Variants in RPS6KL1 observed in about 807,000 individuals in gnomAD.
The protein encoded by RPS6KL1 is ribosomal protein S6 kinase like 1, also known as ribosomal protein S6 kinase-like 1.
In RPS6KL1, 41 loss-of-function variants were observed where a neutral mutation model predicts 57.0. The observed-to-expected ratio is 0.72, with a 90% CI of 0.56 to 0.93. The LOEUF is 0.93. Ranked by LOEUF, RPS6KL1 falls within the 40% of genes least tolerant of loss-of-function variation. RPS6KL1 has a pLI of 0.00. For missense variants in RPS6KL1, 697 were observed against 727.7 expected (o/e 0.96, Z 0.49); for synonymous variants, 287 against 309.7 (o/e 0.93, Z 0.77).
At chr14:74,921,158 A>G (rs1887763186) in intron 3 of RPS6KL1, 119 bp downstream of exon 3, 1 of 870,508 alleles carries the variant, frequency 1.1e-6, no homozygotes, top group Non-Finnish European at 1.8e-6. Context: ...CCTGCAGGCC[A>G]GCATAGTGCC....
intron 5 of RPS6KL1, among the ~76,000 whole-genome samples, chr14:74,916,803 C>T (rs1198852820): frequency 1.3e-5 from 2 of 152,218 alleles, no homozygotes; most frequent in Non-Finnish European, 2.9e-5. Context: ...TTCTGTGTCA[C>T]AGTGTACATC....
chr14:74,922,676 G>A (rs933287947), intron 1 of RPS6KL1, among the ~76,000 whole-genome samples, 191 bp from the exon 2 acceptor site: 35 of 152,210 alleles, frequency 2.3e-4, no homozygotes, highest in African/African-American at 8.0e-4. Context: ...GCGGCCAAAG[G>A]GATGACAGCC....
chr14:74,914,410 C>T (rs1204528613), intron 5 of RPS6KL1, among the ~76,000 whole-genome samples: 1 of 152,178 alleles, frequency 6.6e-6, no homozygotes, highest in Non-Finnish European at 1.5e-5. Context: ...AAAAAACTAG[C>T]GAAGGAGGGA....
chr14:74,910,546 A>C (rs1885753519), intron 7 of RPS6KL1: 1 of 163,156 alleles, frequency 6.1e-6, no homozygotes, highest in Non-Finnish European at 1.3e-5. Flanking sequence ...TCACTTTAAA[A>C]AGTCATCAAT....
In RPS6KL1 at chr14:74,907,352, C is replaced by T. The variant is rs571606505; in HGVS notation, c.1539+83G>A. On this transcript the variant is annotated intron_variant, in intron 11 of 11. Coordinates refer to ENST00000557413, the MANE Select transcript of RPS6KL1 (RefSeq NM_031464.5). ...CATCAGACACTGAGCACGAAGCACA[C>T]GTGGTTCAGACACAGTTCTGTGCCC... The T allele has an allele frequency of 4.4e-4, 671 of 1,509,916 alleles. 2 individuals carry two copies. Among genetic ancestry groups the T allele is most frequent in the Non-Finnish European group, 5.7e-4 (642 of 1,127,296 alleles). The allele number at this position is 1,509,916 out of a possible 1,614,324, so 93.5% of individuals were successfully genotyped here. A position where few individuals can be genotyped will look rare whatever the true frequency, so the allele number is the denominator to read the frequency against.
rs754519702 is a variant in RPS6KL1 at position 74,911,285 on chromosome 14, G to A, written c.627C>T (p.Ser209=). 7 of 1,612,632 alleles carry A rather than the reference G, an allele frequency of 4.3e-6. No individual in the cohort carries two copies. The highest frequency in any genetic ancestry group is 1.7e-5 in the Admixed American group (1 of 60,018). ...CCAGGTGCAGGAAGATGGAGTCCTCGCTCACAAAGTACCTGAGCAGCTTCG... is the reference window on the plus strand; with the variant it reads ...CCAGGTGCAGGAAGATGGAGTCCTCACTCACAAAGTACCTGAGCAGCTTCG... ...YMTKLLRYFV[S]EDSIFLHLEH... The change falls in exon 7 of 12, where the codon AGC becomes AGT. Residue 209 remains serine, a synonymous_variant. Coordinates refer to ENST00000557413, the MANE Select transcript of RPS6KL1 (RefSeq NM_031464.5).
In RPS6KL1 at chr14:74,906,409, T is replaced by A. The variant is rs55948327; in HGVS notation, c.*605A>T. 1.3e-5 allele frequency: 2 copies of A among 157,422 alleles called. No homozygotes were observed. Among genetic ancestry groups the A allele is most frequent in the African/African-American group, 6.6e-5 (1 of 15,248 alleles). 9.8% of individuals were successfully genotyped at this position (157,422 alleles called of 1,614,324 possible). Reference sequence around the variant, plus strand: ...AGGGGGCATGGTCAGGAATCGGGGGTGGGGGGGTGGGGGTGGGGGTCATCC... The same window carrying A: ...AGGGGGCATGGTCAGGAATCGGGGGAGGGGGGGTGGGGGTGGGGGTCATCC... On this transcript the variant is annotated 3_prime_UTR_variant, in exon 12 of 12. Coordinates refer to ENST00000557413, the MANE Select transcript of RPS6KL1 (RefSeq NM_031464.5).
Position 74,921,310 on chromosome 14 carries a change from T to C in RPS6KL1, c.232A>G (p.Asn78Asp), listed in dbSNP as rs771982938. Residue 78 changes from asparagine to aspartate, a missense_variant, in exon 3 of 12, where the codon AAT (asparagine) becomes GAT (aspartate). By Grantham distance (23) the Asn-to-Asp change is conservative. Coordinates refer to ENST00000557413, the MANE Select transcript of RPS6KL1 (RefSeq NM_031464.5). ...CCACGGAGCAGCACGTCCACGCCATTCTGATAGTGGTTGAAGGCCGCCTCA... is the reference window on the plus strand; with the variant it reads ...CCACGGAGCAGCACGTCCACGCCATCCTGATAGTGGTTGAAGGCCGCCTCA... ...DYEAAFNHYQ[N>D]GVDVLLRGIH... 6.2e-7 allele frequency: 1 copy of C among 1,612,570 alleles called. No homozygotes were observed. Among genetic ancestry groups the C allele is most frequent in the Non-Finnish European group, 8.5e-7 (1 of 1,179,088 alleles).
At chr14:74,922,715 G>A (rs137876012) in intron 1 of RPS6KL1, among the ~76,000 whole-genome samples, 1 of 152,386 alleles carries the variant, frequency 6.6e-6, no homozygotes, top group African/African-American at 2.4e-5. Flanking sequence ...GGGGCTCAGA[G>A]AGAGGCCCAC....
At chr14:74,922,636 C>T (rs1224581456) in intron 1 of RPS6KL1, among the ~76,000 whole-genome samples, 151 bp from the exon 2 acceptor site, 1 of 152,202 alleles carries the variant, frequency 6.6e-6, no homozygotes, top group African/African-American at 2.4e-5. Context: ...GACCTGACAG[C>T]AGCTTCTTCC....
rs2140266142 is a variant in RPS6KL1 at position 74,909,762 on chromosome 14, C to A, written c.1051G>T (p.Gly351Trp). 1.2e-6 allele frequency: 2 copies of A among 1,607,030 alleles called. No homozygotes were observed. Among genetic ancestry groups the A allele is most frequent in the East Asian group, 4.5e-5 (2 of 44,834 alleles). Residue 351 changes from glycine to tryptophan, a missense_variant, in exon 8 of 12, where the codon GGG becomes TGG. Physicochemically the swap from Gly to Trp is radical, Grantham distance 184 (BLOSUM62 -2). Coordinates refer to ENST00000557413, the MANE Select transcript of RPS6KL1 (RefSeq NM_031464.5). ...CAGCCCCCTAGCACCGGGCCGGCCC[C>A]CTCAGGAACCCAAGTGAGCCCCCGA... ...PPRGLTWVPE[G>W]AGPVLGGCGR...
intron 2 of RPS6KL1, 89 bp from the exon 3 acceptor site, chr14:74,921,650 C>T: frequency 1.3e-6 from 2 of 1,484,208 alleles, no homozygotes; most frequent in South Asian, 2.7e-5. Flanking sequence ...GTCAGGGAGA[C>T]TCATATTCAC....
intron 7 of RPS6KL1, chr14:74,910,398 G>A: frequency 2.6e-6 from 1 of 390,670 alleles, no homozygotes; most frequent in Non-Finnish European, 4.5e-6. Flanking sequence ...GAGATGTCCA[G>A]CACTATCAGT....
chr14:74,908,715 T>C, intron 10 of RPS6KL1, 135 bp downstream of exon 10: 4 of 747,278 alleles, frequency 5.4e-6, no homozygotes, highest in Non-Finnish European at 9.5e-6. Flanking sequence ...GCTAAGTGTG[T>C]CCCTGGCTTC....
rs138430974 is a variant in RPS6KL1 at position 74,922,421 on chromosome 14, G to A, written c.-464C>T. ...GTTCCCTTGGTCCTGAGGTCAGTGT[G>A]GTCAGCGAGTGAGGACCCCTCCTGG... is the stretch of plus-strand genomic sequence containing the variant. On this transcript the variant is annotated 5_prime_UTR_variant, in exon 2 of 12. Coordinates refer to ENST00000557413, the MANE Select transcript of RPS6KL1 (RefSeq NM_031464.5). 109 of 894,330 alleles carry A rather than the reference G, an allele frequency of 1.2e-4. No individual in the cohort carries two copies. In the African/African-American group the frequency reaches 1.7e-3, roughly 14 times the overall value. 55.4% of individuals were successfully genotyped at this position (894,330 alleles called of 1,614,324 possible). A position where few individuals can be genotyped will look rare whatever the true frequency, so the allele number is the denominator to read the frequency against.
chr14:74,914,099 G>A (rs1886464581), intron 5 of RPS6KL1, among the ~76,000 whole-genome samples: 1 of 152,254 alleles, frequency 6.6e-6, no homozygotes, highest in Admixed American at 6.5e-5. Flanking sequence ...CATCATCAGT[G>A]AAAGGAAGGC....
intron 2 of RPS6KL1, chr14:74,921,766 T>C: frequency 2.2e-6 from 3 of 1,346,944 alleles, no homozygotes; most frequent in Non-Finnish European, 1.9e-6. Context: ...CTCAGGATTC[T>C]GTTTTCTTTT....
At chr14:74,920,442 G>T (rs191839113) in intron 3 of RPS6KL1, among the ~76,000 whole-genome samples, 244 of 152,328 alleles carry the variant, frequency 1.6e-3, no homozygotes, top group African/African-American at 5.7e-3. Flanking sequence ...GGTCTCTTCA[G>T]CCAGAGGGCA....
intron 5 of RPS6KL1, among the ~76,000 whole-genome samples, chr14:74,914,154 C>T (rs1011641450): frequency 1.3e-5 from 2 of 152,252 alleles, no homozygotes; most frequent in South Asian, 2.1e-4. Context: ...TCAGCAGGAG[C>T]GAGGTGTCCT....
Sources: gnomAD v4.1 joint callset for allele counts (sites outside exome capture counted in the v4.1 genomes callset) on GRCh38, gnomAD v4.1.1 for gene constraint, MANE v1.5 for transcripts, NCBI Gene and HGNC (gene_info 2026-07-23, HGNC 2026-07-21) for gene names.